Variants in FGD5 observed in about 807,000 individuals in gnomAD.
FGD5 encodes the protein FYVE, RhoGEF and PH domain-containing protein 5.
In FGD5, 28 loss-of-function variants were observed where a neutral mutation model predicts 133.4. That is an observed-to-expected ratio of 0.21 (90% confidence interval 0.16 to 0.29). The LOEUF (loss-of-function observed/expected upper bound fraction) is 0.29. Ranked by LOEUF, FGD5 falls within the 10% of genes least tolerant of loss-of-function variation. The pLI is 1.00. For missense variants in FGD5, 1,858 were observed against 1,895.2 expected (o/e 0.98, Z 0.36); for synonymous variants, 810 against 776.5 (o/e 1.04, Z -0.72).
At chr3:14,837,541 G>A (rs974355943) in intron 1 of FGD5, among the ~76,000 whole-genome samples, 3 of 152,164 alleles carry the variant, frequency 2.0e-5, no homozygotes, top group Non-Finnish European at 4.4e-5. Context: ...TCAGAATCCT[G>A]CATCTGTCCT....
intron 1 of FGD5, among the ~76,000 whole-genome samples, chr3:14,837,885 G>A (rs903504562): frequency 3.4e-4 from 51 of 152,212 alleles, no homozygotes; most frequent in Admixed American, 3.2e-3. Context: ...TTCTGAGTCT[G>A]ACGTGACATA....
chr3:14,922,027 T>TGG lies in FGD5; in HGVS notation c.3669+12_3669+13dup, dbSNP rs1164867842. The stretch of plus-strand genomic sequence containing the variant: ...CCACCATAGCGTGGAGGTGAGTGGG[T>TGG]GGGCAGGGCCCACGGGCCACCAGCT... On this transcript the variant is annotated intron_variant, in intron 14 of 19. Transcript: ENST00000285046. This position sits in a 1 kb window ranked among gnomAD's most constrained non-coding sequence, Gnocchi z 4.1. The TGG allele has an allele frequency of 6.4e-7, 1 of 1,554,710 alleles. No homozygotes were observed. Among genetic ancestry groups the TGG allele is most frequent in the Non-Finnish European group, 8.7e-7 (1 of 1,149,070 alleles).
intron 18 of FGD5, among the ~76,000 whole-genome samples, chr3:14,928,429 A>T (rs1033426633): frequency 3.9e-5 from 6 of 152,096 alleles, no homozygotes; most frequent in Non-Finnish European, 1.5e-5. Flanking sequence ...ATTTTCAAAC[A>T]TAAAGGAATG....
chr3:14,832,016 A>G (rs1219935937), intron 1 of FGD5, among the ~76,000 whole-genome samples: 1 of 152,184 alleles, frequency 6.6e-6, no homozygotes, highest in African/African-American at 2.4e-5. Flanking sequence ...CACAGATGGC[A>G]GAACCAGAGA....
chr3:14,919,959 CACAA>C (rs1360685731), intron 13 of FGD5, among the ~76,000 whole-genome samples: 2 of 152,192 alleles, frequency 1.3e-5, no homozygotes, highest in Non-Finnish European at 2.9e-5. Flanking sequence ...TTTGGGGGGA[CACAA>C]ACATTTAGAC....
At chr3:14,880,509 T>C in intron 2 of FGD5, 63 bp from the exon 3 acceptor site, 1 of 1,538,814 alleles carries the variant, frequency 6.5e-7, no homozygotes. Context: ...TCCAGCAGCA[T>C]GGTGGCCTCC....
chr3:14,905,107 A>G (rs1349882624), intron 9 of FGD5, among the ~76,000 whole-genome samples: 2 of 152,120 alleles, frequency 1.3e-5, no homozygotes, highest in African/African-American at 4.8e-5. Flanking sequence ...CCTACCACCC[A>G]TTAATTTAAT....
intron 4 of FGD5, among the ~76,000 whole-genome samples, chr3:14,890,865 G>A (rs1016876620): frequency 5.3e-5 from 8 of 152,196 alleles, no homozygotes; most frequent in African/African-American, 1.4e-4. Context: ...AATTGACAAA[G>A]CAGTTGTAAT....
intron 1 of FGD5, among the ~76,000 whole-genome samples, chr3:14,859,189 C>G (rs1174979250): frequency 6.6e-6 from 1 of 152,108 alleles, no homozygotes; most frequent in Non-Finnish European, 1.5e-5. Context: ...TATATGTATA[C>G]AATGTGGCAT....
In FGD5 at chr3:14,821,613, T is replaced by C. The variant is rs2036505240; in HGVS notation, c.2525+17T>C. 1 of 1,553,542 alleles carries C rather than the reference T, an allele frequency of 6.4e-7. No individual in the cohort carries two copies. The highest frequency in any genetic ancestry group is 8.7e-7 in the Non-Finnish European group (1 of 1,147,880). On this transcript the variant is annotated intron_variant, in intron 1 of 19. Transcript: ENST00000285046. ...CGCAGAAAGGTACCTGACATTCTAT[T>C]TCCTTTCTTGTTCGGCAGCTGTAAC... is the stretch of plus-strand genomic sequence containing the variant.
At position 14,934,499 on chromosome 3, in the gene FGD5, G is replaced by A. The variant is rs776548987; in HGVS notation, c.*1332G>A. 7.2e-5 allele frequency: 11 copies of A among 152,122 alleles called. No homozygotes were observed. The highest frequency in any genetic ancestry group is 1.6e-4 in the Non-Finnish European group (11 of 68,024). The allele number at this position is 152,122 out of a possible 1,614,324, so 9.4% of individuals were successfully genotyped here. A position where few individuals can be genotyped will look rare whatever the true frequency, so the allele number is the denominator to read the frequency against. On this transcript the variant is annotated 3_prime_UTR_variant, in exon 20 of 20. Transcript: ENST00000285046. ...ACTTACTTGCATTAAATATTTTCAG[G>A]GGAATTTTTTTTTCCAGTTTGCAGT...
intron 2 of FGD5, among the ~76,000 whole-genome samples, chr3:14,865,679 C>T (rs76466741): frequency 0.093 from 14,206 of 152,236 alleles, 835 homozygotes; most frequent in East Asian, 0.31. Flanking sequence ...GGCACCATTA[C>T]TCCTGTTTTA....
chr3:14,908,155 A>G (rs2038374595), intron 10 of FGD5, among the ~76,000 whole-genome samples: 1 of 152,220 alleles, frequency 6.6e-6, no homozygotes, highest in Admixed American at 6.5e-5. Flanking sequence ...TAAAAACAGT[A>G]AAAAATGTTC....
At position 14,917,316 on chromosome 3, in the gene FGD5, C is replaced by T. The variant is rs888759691; in HGVS notation, c.3473C>T (p.Ala1158Val). 3.7e-6 allele frequency: 6 copies of T among 1,613,246 alleles called. No individual in the cohort carries two copies. The highest frequency in any genetic ancestry group is 5.1e-6 in the Non-Finnish European group (6 of 1,179,634). ...DGKYRLKNTLAVANMKVSRPV... is the reference protein window; with the variant it reads ...DGKYRLKNTLVVANMKVSRPV... ...AAGTACCGGCTGAAGAACACATTGG[C>T]TGTGGCCAACATGAAGGTAAATATC... Residue 1158 changes from alanine to valine, a missense_variant, in exon 12 of 20, where the codon GCT (alanine) becomes GTT (valine). Around this residue, in one of 3 missense-constraint regions of FGD5, gnomAD observed 1,824 missense variants for 1,848.9 expected, o/e 0.99. Coordinates refer to ENST00000285046, the MANE Select transcript of FGD5 (RefSeq NM_152536.4). The surrounding 1 kb of genome is among the most constrained non-coding windows in gnomAD (Gnocchi z 4.1).
intron 1 of FGD5, among the ~76,000 whole-genome samples, chr3:14,824,108 T>C (rs768375023): frequency 5.8e-4 from 89 of 152,340 alleles, no homozygotes; most frequent in Non-Finnish European, 1.0e-3. Context: ...CCAGACTGAC[T>C]GGAATAAATC....
In FGD5 at chr3:14,871,655, G is replaced by A. The variant is rs552824086; in HGVS notation, c.2658+7395G>A. Among the ~76,000 whole-genome samples, 63 of 152,304 alleles carry A rather than the reference G, an allele frequency of 4.1e-4. No individual in the cohort carries two copies. The South Asian group carries it at 0.012, about 28-fold the overall frequency. On this transcript the variant is annotated intron_variant, in intron 2 of 19. Coordinates refer to ENST00000285046, the MANE Select transcript of FGD5 (RefSeq NM_152536.4). ...GAGGGGCTCCAAGGTTCTGGAGGGC[G>A]TCCTGGGTACGTGTATGCCTCACAC...
At chr3:14,893,657 T>G (rs1271039056) in intron 4 of FGD5, among the ~76,000 whole-genome samples, 1 of 152,128 alleles carries the variant, frequency 6.6e-6, no homozygotes, top group African/African-American at 2.4e-5. Context: ...CTCTTCTAGC[T>G]ATTTCAAAAT....
At position 14,821,547 on chromosome 3, in the gene FGD5, T is replaced by C; in HGVS notation, c.2476T>C (p.Phe826Leu). The change falls in exon 1 of 20, where the codon TTC (phenylalanine) becomes CTC (leucine). Residue 826 changes from phenylalanine to leucine, a missense_variant. Phe to Leu is a conservative substitution (Grantham distance 22). Coordinates refer to ENST00000285046, the MANE Select transcript of FGD5 (RefSeq NM_152536.4). ...TGATGGCTACGTGGACATGAGCAGC[T>C]TCAACGCCTTTGAGAGCAAACAGCA... The part of the protein sequence containing the change: ...ENDGYVDMSS[F>L]NAFESKQQSA... 6.2e-7 allele frequency: 1 copy of C among 1,612,744 alleles called. No homozygotes were observed. The highest frequency in any genetic ancestry group is 1.1e-5 in the South Asian group (1 of 90,988).
chr3:14,823,101 T>TCGTG (rs1275244134), intron 1 of FGD5, among the ~76,000 whole-genome samples: 1 of 152,198 alleles, frequency 6.6e-6, no homozygotes, highest in Non-Finnish European at 1.5e-5. Flanking sequence ...GAATGTGGAC[T>TCGTG]CGTGCGAGCT....
Sources: allele counts gnomAD v4.1 joint callset (sites outside exome capture counted in the v4.1 genomes callset), GRCh38; gene constraint gnomAD v4.1.1; regional missense constraint gnomAD v4.1.1; non-coding constraint Gnocchi (gnomAD v3.1); transcripts MANE v1.5; gene names NCBI Gene and HGNC (gene_info 2026-07-23, HGNC 2026-07-21).